ATXN10: variants seen among roughly 807,000 people sequenced by gnomAD.
The protein encoded by ATXN10 is ataxin 10.
ATXN10 carries 28 observed loss-of-function variants against 52.9 expected under a neutral mutation model. The ratio of observed to expected loss-of-function variants is 0.53; its 90% CI spans 0.39 to 0.73. The LOEUF (loss-of-function observed/expected upper bound fraction) is 0.73, where lower values mean the gene tolerates loss of function less well. ATXN10 is among the 30% of genes least tolerant of loss of function. ATXN10 has a pLI of 0.00. For synonymous variants in ATXN10, 226 were observed against 221.5 expected (o/e 1.02, Z -0.18); for missense variants, 565 against 577.0 (o/e 0.98, Z 0.21).
At chr22:45,753,340 T>C (rs1926055205) in intron 9 of ATXN10, among the ~76,000 whole-genome samples, 1 of 146,654 alleles carries the variant, frequency 6.8e-6, no homozygotes, top group Non-Finnish European at 1.5e-5. Context: ...TGTTTTCATC[T>C]CCTCGGGTCC....
At position 45,820,936 on chromosome 22, in the gene ATXN10, G is replaced by A. The variant is rs1019164976; in HGVS notation, c.1237+13914G>A. Reference sequence around the variant, plus strand: ...ATAGAAATGGTTCGAGTTTCTATGAGAAGGACCCAGCCTTGCCTTTAAGAT... The same window carrying A: ...ATAGAAATGGTTCGAGTTTCTATGAAAAGGACCCAGCCTTGCCTTTAAGAT... On this transcript the variant is annotated intron_variant, in intron 10 of 11. Coordinates refer to ENST00000252934, the MANE Select transcript of ATXN10 (RefSeq NM_013236.4). The surrounding 1 kb of genome is among the most constrained non-coding windows in gnomAD (Gnocchi z 4.9). 3.9e-5 allele frequency among the ~76,000 whole-genome samples: 6 copies of A among 152,178 alleles called. No homozygotes were observed. The highest frequency in any genetic ancestry group is 1.4e-4 in the African/African-American group (6 of 41,448).
At chr22:45,776,383 G>A (rs901883818) in intron 9 of ATXN10, among the ~76,000 whole-genome samples, 12 of 152,106 alleles carry the variant, frequency 7.9e-5, no homozygotes, top group African/African-American at 1.9e-4. Flanking sequence ...GGTGTGATGC[G>A]TGACATGGAT....
chr22:45,793,813 T>A, intron 9 of ATXN10: 2 of 1,302,784 alleles, frequency 1.5e-6, no homozygotes, highest in Non-Finnish European at 2.0e-6. Flanking sequence ...CCTGGGAAGG[T>A]TCTTGGCTTT....
Position 45,824,718 on chromosome 22 carries a change from T to TA in ATXN10, c.1237+17697dup, listed in dbSNP as rs1449217285. Among the ~76,000 whole-genome samples the TA allele has an allele frequency of 6.6e-6, 1 of 152,226 alleles. No homozygotes were observed. Among genetic ancestry groups the TA allele is most frequent in the East Asian group, 1.9e-4 (1 of 5,194 alleles). On this transcript the variant is annotated intron_variant, in intron 10 of 11. Transcript: ENST00000252934. The surrounding 1 kb of genome is among the most constrained non-coding windows in gnomAD (Gnocchi z 5.2). ...AAATTTGTATTGATAACTGAATTGA[T>TA]AGAGGTTTTTATCTATGGACCGAGG...
At position 45,786,244 on chromosome 22, in the gene ATXN10, C is replaced by G. The variant is rs1296358742; in HGVS notation, c.1174-20715C>G. Among the ~76,000 whole-genome samples, 1 of 152,202 alleles carries G rather than the reference C, an allele frequency of 6.6e-6. No homozygotes were observed. The highest frequency in any genetic ancestry group is 1.5e-5 in the Non-Finnish European group (1 of 68,036). On this transcript the variant is annotated intron_variant, in intron 9 of 11. Transcript: ENST00000252934. This position sits in a 1 kb window ranked among gnomAD's most constrained non-coding sequence, Gnocchi z 4.1. The stretch of plus-strand genomic sequence containing the variant: ...GGTACTTTAAGAGCCTCTGCCATTA[C>G]TATTCTTGAAAAGCATCTTTATTTT...
chr22:45,784,495 C>T lies in ATXN10; in HGVS notation c.1174-22464C>T, dbSNP rs1927257137. On this transcript the variant is annotated intron_variant, in intron 9 of 11. Coordinates refer to ENST00000252934, the MANE Select transcript of ATXN10 (RefSeq NM_013236.4). The surrounding 1 kb of genome is among the most constrained non-coding windows in gnomAD (Gnocchi z 4.2). ...TAATTGTAATCTGCACCCCGAGTGT[C>T]ACATTGCACAGTCTGCCTCAGGTAA... Among the ~76,000 whole-genome samples the T allele has an allele frequency of 6.6e-6, 1 of 152,192 alleles. No homozygotes were observed. The highest frequency in any genetic ancestry group is 1.5e-5 in the Non-Finnish European group (1 of 68,028).
intron 9 of ATXN10, among the ~76,000 whole-genome samples, chr22:45,800,775 C>T (rs548825495): frequency 2.0e-5 from 3 of 152,250 alleles, no homozygotes; most frequent in South Asian, 4.1e-4. Flanking sequence ...CATGTAACAA[C>T]GTGGATGAAT....
At chr22:45,793,640 G>A in intron 9 of ATXN10, 1 of 1,390,240 alleles carries the variant, frequency 7.2e-7, no homozygotes, top group Non-Finnish European at 9.4e-7. Context: ...TGTTCCACCA[G>A]CCTTTGCCAA....
intron 3 of ATXN10, among the ~76,000 whole-genome samples, chr22:45,694,511 G>GT (rs1287674680): frequency 2.0e-5 from 3 of 152,130 alleles, no homozygotes; most frequent in Non-Finnish European, 1.5e-5. Context: ...GCTGGGTGCA[G>GT]TGGCTCAAGC....
chr22:45,843,058 G>T lies in ATXN10; in HGVS notation c.1305G>T (p.Leu435Phe), dbSNP rs1479646330. ...LTEDNSQNQD[L>F]IAKMEEQGLA... ...AAGACAACAGCCAAAACCAAGATTTGATTGCAAAGATGGAGGAACAGGGGC... is the reference window on the plus strand; with the variant it reads ...AAGACAACAGCCAAAACCAAGATTTTATTGCAAAGATGGAGGAACAGGGGC... The change falls in exon 11 of 12, where the codon TTG (leucine) becomes TTT (phenylalanine). Residue 435 changes from leucine (L) to phenylalanine (F), a missense_variant. Leu to Phe is a conservative substitution (Grantham distance 22). Coordinates refer to ENST00000252934, the MANE Select transcript of ATXN10 (RefSeq NM_013236.4). This position sits in a 1 kb window ranked among gnomAD's most constrained non-coding sequence, Gnocchi z 4.5. 5.6e-6 allele frequency: 9 copies of T among 1,614,052 alleles called. No individual in the cohort carries two copies. The African/African-American group carries it at 9.3e-5, about 17-fold the overall frequency.
chr22:45,832,965 T>C (rs1463225785), intron 10 of ATXN10, among the ~76,000 whole-genome samples: 1 of 152,304 alleles, frequency 6.6e-6, no homozygotes, highest in Non-Finnish European at 1.5e-5. Flanking sequence ...GTTGGAGTTA[T>C]TTATGTATTA....
chr22:45,839,420 C>T (rs1164047207), intron 10 of ATXN10, among the ~76,000 whole-genome samples: 4 of 152,244 alleles, frequency 2.6e-5, no homozygotes, highest in African/African-American at 9.6e-5. Context: ...AAGCCTGGGG[C>T]TGCAGGGGGC....
chr22:45,706,917 T>A (rs1369833777), intron 5 of ATXN10, among the ~76,000 whole-genome samples: 1 of 152,202 alleles, frequency 6.6e-6, no homozygotes, highest in Non-Finnish European at 1.5e-5. Context: ...GTTTAAATCT[T>A]CTGTTTTCTT....
intron 7 of ATXN10, among the ~76,000 whole-genome samples, chr22:45,734,676 C>G (rs1925222086): frequency 6.6e-6 from 1 of 150,758 alleles, no homozygotes; most frequent in African/African-American, 2.4e-5. Flanking sequence ...TTTTATTTAT[C>G]TAGAATTTAT....
chr22:45,676,304 T>G (rs1194314391), intron 1 of ATXN10: 1 of 151,992 alleles, frequency 6.6e-6, no homozygotes, highest in Non-Finnish European at 1.5e-5. Flanking sequence ...GTTGCCTTTA[T>G]GATGCATCCA....
chr22:45,802,836 G>T (rs1927972371), intron 9 of ATXN10, among the ~76,000 whole-genome samples: 1 of 152,086 alleles, frequency 6.6e-6, no homozygotes, highest in East Asian at 1.9e-4. Flanking sequence ...TGTAGAAAGT[G>T]AGGTGTTTTC....
intron 9 of ATXN10, among the ~76,000 whole-genome samples, chr22:45,797,796 A>G (rs1005823861): frequency 1.3e-5 from 2 of 152,226 alleles, no homozygotes; most frequent in Non-Finnish European, 2.9e-5. Flanking sequence ...CAATCTTTCC[A>G]GATAAATCTG....
At position 45,840,017 on chromosome 22, in the gene ATXN10, A is replaced by G. The variant is rs564321987; in HGVS notation, c.1238-2974A>G. Among the ~76,000 whole-genome samples, 2 of 152,338 alleles carry G rather than the reference A, an allele frequency of 1.3e-5. No homozygotes were observed. The highest frequency in any genetic ancestry group is 3.9e-4 in the East Asian group (2 of 5,188). On this transcript the variant is annotated intron_variant, in intron 10 of 11. Transcript: ENST00000252934. The surrounding 1 kb of genome is among the most constrained non-coding windows in gnomAD (Gnocchi z 5.8). Reference sequence around the variant, plus strand: ...GACAGAGCACAGAGAAGTGAGTACTATTGGTCTTGTTGTGAGGAGTTCACA... The same window carrying G: ...GACAGAGCACAGAGAAGTGAGTACTGTTGGTCTTGTTGTGAGGAGTTCACA...
At position 45,750,319 on chromosome 22, in the gene ATXN10, C is replaced by T. The variant is rs1925900396; in HGVS notation, c.1173+9781C>T. On this transcript the variant is annotated intron_variant, in intron 9 of 11. Coordinates refer to ENST00000252934, the MANE Select transcript of ATXN10 (RefSeq NM_013236.4). This position sits in a 1 kb window ranked among gnomAD's most constrained non-coding sequence, Gnocchi z 4.2. ...CCATGTTCCCCAGGCTGGTCTTGAA[C>T]TCCTGAGCTTGAGCAGTCTGTCCAC... 1.3e-5 allele frequency among the ~76,000 whole-genome samples: 2 copies of T among 152,164 alleles called. No homozygotes were observed. Among genetic ancestry groups the T allele is most frequent in the South Asian group, 2.1e-4 (1 of 4,816 alleles).
Sources: allele counts gnomAD v4.1 joint callset (sites outside exome capture counted in the v4.1 genomes callset), GRCh38; gene constraint gnomAD v4.1.1; non-coding constraint Gnocchi (gnomAD v3.1); transcripts MANE v1.5; gene names NCBI Gene and HGNC (gene_info 2026-07-23, HGNC 2026-07-21).